The following BRAF variants were observed in gnomAD, a reference collection of about 807,000 sequenced individuals.
The protein encoded by BRAF is serine/threonine-protein kinase B-raf.
Under a neutral mutation model 104.6 loss-of-function variants are expected in BRAF, and 16 were observed. That is an observed-to-expected ratio of 0.15 (90% CI 0.10 to 0.23). The LOEUF (loss-of-function observed/expected upper bound fraction) is 0.23. BRAF is among the 10% of genes least tolerant of loss of function. The pLI, the probability that BRAF is intolerant of heterozygous loss-of-function variation, is 1.00. For missense variants in BRAF, 541 were observed against 937.3 expected (o/e 0.58, Z 5.52); for synonymous variants, 310 against 341.6 (o/e 0.91, Z 1.02).
At chr7:140,760,109 T>C (rs1798547961) in intron 14 of BRAF, among the ~76,000 whole-genome samples, 2 of 152,086 alleles carry the variant, frequency 1.3e-5, no homozygotes, top group Non-Finnish European at 2.9e-5. Context: ...CCAGTAACTA[T>C]CATATTAAGA....
chr7:140,910,656 T>C (rs1045624941), intron 1 of BRAF, among the ~76,000 whole-genome samples: 1 of 152,132 alleles, frequency 6.6e-6, no homozygotes, highest in Non-Finnish European at 1.5e-5. Context: ...CCCAATTTTT[T>C]CAGTCCTAAA....
chr7:140,846,128 C>T (rs1212218666), intron 2 of BRAF, among the ~76,000 whole-genome samples: 1 of 152,110 alleles, frequency 6.6e-6, no homozygotes, highest in Non-Finnish European at 1.5e-5. Flanking sequence ...ATCATAAAAT[C>T]ACCATGTGAT....
chr7:140,721,630 G>GCT lies in BRAF; in HGVS notation c.*4863_*4864insAG. 6.5e-7 allele frequency: 1 copy of GCT among 1,535,896 alleles called. No homozygotes were observed. The highest frequency in any genetic ancestry group is 1.2e-5 in the South Asian group (1 of 83,922). On this transcript the variant is annotated 3_prime_UTR_variant, in exon 20 of 20. Transcript: ENST00000644969. ...GCTACAAATCATCACCTGAGGCAGA[G>GCT]ATGCTACTACCCTCTTCTGGGGCTC...
intron 14 of BRAF, among the ~76,000 whole-genome samples, chr7:140,761,375 A>G (rs1040769666): frequency 6.6e-6 from 1 of 152,142 alleles, no homozygotes; most frequent in Admixed American, 6.5e-5. Flanking sequence ...CCCTAAAAGA[A>G]CTCCTGAAGG....
Position 140,723,954 on chromosome 7 carries a change from A to G in BRAF, c.*2540T>C, listed in dbSNP as rs1795452753. 2.9e-6 allele frequency: 3 copies of G among 1,041,142 alleles called. No individual in the cohort carries two copies. The highest frequency in any genetic ancestry group is 5.6e-5 in the Admixed American group (1 of 17,928). 64.5% of individuals were successfully genotyped at this position (1,041,142 alleles called of 1,614,324 possible). A position where few individuals can be genotyped will look rare whatever the true frequency, so the allele number is the denominator to read the frequency against. ...CCTATTTTCATGTCATTTGTAAACT[A>G]GAGAAAAAACCTATTTCATAGAAAA... is the stretch of plus-strand genomic sequence containing the variant. On this transcript the variant is annotated 3_prime_UTR_variant, in exon 20 of 20. Coordinates refer to ENST00000644969, the MANE Select transcript of BRAF (RefSeq NM_001374258.1).
intron 3 of BRAF, among the ~76,000 whole-genome samples, chr7:140,825,306 A>G (rs1362648935): frequency 6.6e-6 from 1 of 152,118 alleles, no homozygotes; most frequent in African/African-American, 2.4e-5. Context: ...AGTTCTTTAT[A>G]TATTCTACAT....
chr7:140,729,036 G>T (rs1302979300), intron 19 of BRAF, among the ~76,000 whole-genome samples: 2 of 149,376 alleles, frequency 1.3e-5, no homozygotes, highest in Non-Finnish European at 1.5e-5. Context: ...GACCAGGTAG[G>T]GCAACATAGT....
intron 14 of BRAF, among the ~76,000 whole-genome samples, chr7:140,762,603 G>GT (rs774057622): frequency 0.034 from 3,253 of 96,174 alleles, 103 homozygotes; most frequent in African/African-American, 0.081. Flanking sequence ...TCCAGGAGCT[G>GT]TTTTTTTTTT....
chr7:140,874,333 C>G (rs1220771278), intron 1 of BRAF, among the ~76,000 whole-genome samples: 1 of 151,390 alleles, frequency 6.6e-6, no homozygotes, highest in Non-Finnish European at 1.5e-5. Context: ...TCCCGGGTAG[C>G]TGGGATTACA....
chr7:140,720,504 T>G lies in BRAF; in HGVS notation c.*5990A>C, dbSNP rs749413809. On this transcript the variant is annotated 3_prime_UTR_variant, in exon 20 of 20. Coordinates refer to ENST00000644969, the MANE Select transcript of BRAF (RefSeq NM_001374258.1). ...TGATATAGCTGGTTTTAATCAGCTA[T>G]GGAACATACACAAATGTATTAGGAA... 1.9e-6 allele frequency: 2 copies of G among 1,064,702 alleles called. No homozygotes were observed. Among genetic ancestry groups the G allele is most frequent in the South Asian group, 9.1e-5 (2 of 21,980 alleles). 66.0% of individuals were successfully genotyped at this position (1,064,702 alleles called of 1,614,324 possible).
intron 1 of BRAF, among the ~76,000 whole-genome samples, chr7:140,854,945 CA>C (rs890296267): frequency 2.0e-5 from 3 of 149,930 alleles, no homozygotes; most frequent in African/African-American, 7.3e-5. Flanking sequence ...GACTTCGTCT[CA>C]AAAAAAAAGT....
chr7:140,745,642 A>G (rs1205234263), intron 17 of BRAF, among the ~76,000 whole-genome samples: 2 of 152,182 alleles, frequency 1.3e-5, no homozygotes, highest in Admixed American at 1.3e-4. Flanking sequence ...CCATGGTATT[A>G]CTGGAGCTCA....
chr7:140,854,762 C>T lies in BRAF; in HGVS notation c.139-4550G>A, dbSNP rs751287258. Reference sequence around the variant, plus strand: ...GGAGTTCGAGACCAGCTGGCCAACACGGTGAAACCCCGTCTCTACTAAAAA... The same window carrying T: ...GGAGTTCGAGACCAGCTGGCCAACATGGTGAAACCCCGTCTCTACTAAAAA... On this transcript the variant is annotated intron_variant, in intron 1 of 19. Coordinates refer to ENST00000644969, the MANE Select transcript of BRAF (RefSeq NM_001374258.1). Among the ~76,000 whole-genome samples the T allele has an allele frequency of 1.4e-3, 210 of 151,808 alleles. 1 individual carries two copies. The highest frequency in any genetic ancestry group is 4.3e-3 in the Admixed American group (65 of 15,230).
At chr7:140,755,885 T>G (rs570880333) in intron 14 of BRAF, among the ~76,000 whole-genome samples, 1 of 151,998 alleles carries the variant, frequency 6.6e-6, no homozygotes, top group South Asian at 2.1e-4. Flanking sequence ...AGCCAAGGTG[T>G]TGGTCTTTGA....
intron 2 of BRAF, chr7:140,835,130 GAAT>G: frequency 2.3e-6 from 1 of 429,604 alleles, no homozygotes. Context: ...GATGGTCCAT[GAAT>G]AATAAAAAAG....
chr7:140,781,230 C>A (rs1490728568), intron 12 of BRAF: 2 of 300,026 alleles, frequency 6.7e-6, no homozygotes, highest in African/African-American at 4.4e-5. Flanking sequence ...TGCGCCCAGC[C>A]ATTAAGTACA....
At chr7:140,872,191 G>C (rs541031857) in intron 1 of BRAF, among the ~76,000 whole-genome samples, 2 of 150,122 alleles carry the variant, frequency 1.3e-5, no homozygotes, top group Non-Finnish European at 2.9e-5. Flanking sequence ...CTCCAGCCTG[G>C]GCAACAAGAG....
chr7:140,827,222 A>T (rs545306482), intron 3 of BRAF, among the ~76,000 whole-genome samples: 1 of 152,274 alleles, frequency 6.6e-6, no homozygotes, highest in East Asian at 1.9e-4. Flanking sequence ...CTGCTAACTC[A>T]CTGATTGTAG....
In BRAF at chr7:140,723,878, C is replaced by G; in HGVS notation, c.*2616G>C. Reference sequence around the variant, plus strand: ...TCGTTTTTTTAGGAGCTCAGTAAGTCTAACTGTTGTCTAAGCATCAAAAAA... The same window carrying G: ...TCGTTTTTTTAGGAGCTCAGTAAGTGTAACTGTTGTCTAAGCATCAAAAAA... On this transcript the variant is annotated 3_prime_UTR_variant, in exon 20 of 20. Coordinates refer to ENST00000644969, the MANE Select transcript of BRAF (RefSeq NM_001374258.1). 9.6e-7 allele frequency: 1 copy of G among 1,046,562 alleles called. No individual in the cohort carries two copies. The highest frequency in any genetic ancestry group is 1.2e-6 in the Non-Finnish European group (1 of 867,570). 64.8% of individuals were successfully genotyped at this position (1,046,562 alleles called of 1,614,324 possible). A position where few individuals can be genotyped will look rare whatever the true frequency, so the allele number is the denominator to read the frequency against.
Sources: gnomAD v4.1 joint callset for allele counts (sites outside exome capture counted in the v4.1 genomes callset) on GRCh38, gnomAD v4.1.1 for gene constraint, MANE v1.5 for transcripts, NCBI Gene and HGNC (gene_info 2026-07-23, HGNC 2026-07-21) for gene names.